PCDHGB4: variants seen among roughly 807,000 people sequenced by gnomAD.
PCDHGB4 encodes protocadherin gamma subfamily B, 4, also known as protocadherin gamma-B4.
A neutral mutation model predicts 60.5 loss-of-function variants in PCDHGB4; 38 were observed. The observed-to-expected ratio is 0.63, with a 90% CI of 0.48 to 0.82. The LOEUF (loss-of-function observed/expected upper bound fraction) is 0.82, where lower values mean the gene tolerates loss of function less well. Among genes scored for constraint, PCDHGB4 ranks in the 40% least tolerant of loss-of-function variants. The pLI, the probability that PCDHGB4 is intolerant of heterozygous loss-of-function variation, is 0.00. For synonymous variants in PCDHGB4, 456 were observed against 509.7 expected, an observed-to-expected ratio of 0.89 and a Z score of 1.42; for missense variants, 1,109 against 1,209.6, an observed-to-expected ratio of 0.92 and a Z score of 1.23.
rs1561964279 is a variant in PCDHGB4 at position 141,456,201 on chromosome 5, A to G, written c.2398-38606A>G. 2.0e-5 allele frequency among the ~76,000 whole-genome samples: 3 copies of G among 152,228 alleles called. No homozygotes were observed. The South Asian group carries it at 6.2e-4, about 32-fold the overall frequency. On this transcript the variant is annotated intron_variant, in intron 1 of 3. Coordinates refer to ENST00000519479, the MANE Select transcript of PCDHGB4 (RefSeq NM_003736.4). ...ATAATTTCTTAATAACTCCTACCAC[A>G]TTCCTCCCTGTGGCGATATCAAACT...
In PCDHGB4 at chr5:141,431,457, T is replaced by C; in HGVS notation, c.2397+41176T>C. ...ACCGCGCGCATCCGCGTGATGGTTC[T>C]GGATGCGAACGACAACGCACCAGCG... On this transcript the variant is annotated intron_variant, in intron 1 of 3. Transcript: ENST00000519479. This position sits in a 1 kb window ranked among gnomAD's most constrained non-coding sequence, Gnocchi z 4.8. 6.2e-7 allele frequency: 1 copy of C among 1,613,818 alleles called. No homozygotes were observed. Among genetic ancestry groups the C allele is most frequent in the South Asian group, 1.1e-5 (1 of 91,088 alleles).
chr5:141,441,750 A>C, intron 1 of PCDHGB4: 1 of 374,962 alleles, frequency 2.7e-6, no homozygotes, highest in South Asian at 2.1e-5. Context: ...GCTCGGCGTC[A>C]ACGTGAGCCT....
chr5:141,474,721 A>T (rs942537231), intron 1 of PCDHGB4, among the ~76,000 whole-genome samples: 10 of 152,214 alleles, frequency 6.6e-5, no homozygotes, highest in African/African-American at 1.7e-4. Flanking sequence ...CTTCAAAAGG[A>T]CTCTATGCAA....
rs1264017483 is a variant in PCDHGB4 at position 141,477,989 on chromosome 5, A to G, written c.2398-16818A>G. The G allele has an allele frequency of 5.6e-6, 9 of 1,614,086 alleles. No individual in the cohort carries two copies. The highest frequency in any genetic ancestry group is 1.6e-4 in the Middle Eastern group (1 of 6,062). On this transcript the variant is annotated intron_variant, in intron 1 of 3. Coordinates refer to ENST00000519479, the MANE Select transcript of PCDHGB4 (RefSeq NM_003736.4). The surrounding 1 kb of genome is among the most constrained non-coding windows in gnomAD (Gnocchi z 4.9). ...GAGCCTTTTTGCCATAGGGCTGCACACTGGTCAAATCAGTACTGCCCGTCC... is the reference window on the plus strand; with the variant it reads ...GAGCCTTTTTGCCATAGGGCTGCACGCTGGTCAAATCAGTACTGCCCGTCC...
At chr5:141,392,693 C>T (rs1315405629) in intron 1 of PCDHGB4, 5 of 1,161,626 alleles carry the variant, frequency 4.3e-6, no homozygotes, top group Non-Finnish European at 5.8e-6. Context: ...GAAACCCGAC[C>T]CCTGTTTGGA....
chr5:141,441,852 G>T (rs1169073404), intron 1 of PCDHGB4: 2 of 352,708 alleles, frequency 5.7e-6, no homozygotes, highest in African/African-American at 2.2e-5. Flanking sequence ...TGGATATGGT[G>T]CTGCACGCCG....
In PCDHGB4 at chr5:141,389,561, G is replaced by A. The variant is rs115696241; in HGVS notation, c.1677G>A (p.Arg559=). Residue 559 remains arginine (R), a synonymous_variant, in exon 1 of 4, where the codon CGG becomes CGA. Transcript: ENST00000519479. Reference sequence around the variant, plus strand: ...ACGACCGCAACGACAATGCGCCACGGGTGCTGTACCCCGCGCTGGGTCCCG... The same window carrying A: ...ACGACCGCAACGACAATGCGCCACGAGTGCTGTACCCCGCGCTGGGTCCCG... ...LVDDRNDNAP[R]VLYPALGPDG... is the part of the protein sequence containing the mutation. 3,114 of 1,613,258 alleles carry A rather than the reference G, an allele frequency of 1.9e-3. 62 individuals carry two copies. The African/African-American group carries it at 0.034, about 18-fold the overall frequency.
At chr5:141,501,334 C>CA (rs2099808390) in intron 2 of PCDHGB4, among the ~76,000 whole-genome samples, 1 of 145,376 alleles carries the variant, frequency 6.9e-6, no homozygotes, top group Non-Finnish European at 1.5e-5. Flanking sequence ...CACACACACA[C>CA]CCCAAACTCA....
At chr5:141,405,473 G>A in intron 1 of PCDHGB4, 3 of 1,066,958 alleles carry the variant, frequency 2.8e-6, no homozygotes, top group Non-Finnish European at 4.0e-6. Flanking sequence ...AGGCTGGAAT[G>A]CAGTGGTGTG....
rs530404769 is a variant in PCDHGB4, at chr5:141,423,267, G to C, written c.2397+32986G>C. On this transcript the variant is annotated intron_variant, in intron 1 of 3. Coordinates refer to ENST00000519479, the MANE Select transcript of PCDHGB4 (RefSeq NM_003736.4). ...TCCTGGCGGACCTCGGCAGCCTCGA[G>C]TCTCTGGCTAACTCTGAAACCTCAG... The C allele has an allele frequency of 2.5e-6, 4 of 1,613,710 alleles. No individual in the cohort carries two copies. In the South Asian group the frequency reaches 4.4e-5, roughly 18 times the overall value.
At chr5:141,447,263 C>A (rs953578064) in intron 1 of PCDHGB4, among the ~76,000 whole-genome samples, 1 of 152,116 alleles carries the variant, frequency 6.6e-6, no homozygotes, top group Non-Finnish European at 1.5e-5. Context: ...TCTCAGCCTC[C>A]CAAGTAGCTG....
At chr5:141,466,077 A>G (rs1220036084) in intron 1 of PCDHGB4, among the ~76,000 whole-genome samples, 2 of 152,108 alleles carry the variant, frequency 1.3e-5, no homozygotes, top group Non-Finnish European at 2.9e-5. Context: ...AGCTGATATC[A>G]TGCCACTGCA....
chr5:141,494,142 A>G (rs2099752161), intron 1 of PCDHGB4, among the ~76,000 whole-genome samples: 1 of 152,090 alleles, frequency 6.6e-6, no homozygotes, highest in South Asian at 2.1e-4. Context: ...TTAGTCACAG[A>G]CCATTGTCTG....
intron 1 of PCDHGB4, among the ~76,000 whole-genome samples, chr5:141,457,440 A>C (rs188608086): frequency 1.3e-5 from 2 of 152,334 alleles, no homozygotes; most frequent in African/African-American, 4.8e-5. Flanking sequence ...ACCAAGCTGC[A>C]GAAGATCACC....
chr5:141,491,414 G>C lies in PCDHGB4; in HGVS notation c.2398-3393G>C, dbSNP rs137987971. 35 of 1,614,008 alleles carry C rather than the reference G, an allele frequency of 2.2e-5. No homozygotes were observed. Among genetic ancestry groups the C allele is most frequent in the African/African-American group, 1.3e-4 (10 of 74,910 alleles). On this transcript the variant is annotated intron_variant, in intron 1 of 3. Coordinates refer to ENST00000519479, the MANE Select transcript of PCDHGB4 (RefSeq NM_003736.4). The surrounding 1 kb of genome is among the most constrained non-coding windows in gnomAD (Gnocchi z 6.9). ...CTTCAGGGAAACGCAGACGGGGACG[G>C]GGGTGGAGGGCAGTGCTGCAGGCGC...
At chr5:141,413,333 C>T in intron 1 of PCDHGB4, 1 of 1,613,966 alleles carries the variant, frequency 6.2e-7, no homozygotes, top group Non-Finnish European at 8.5e-7. Context: ...GGCAACATCT[C>T]CAAGGACTTG....
intron 1 of PCDHGB4, chr5:141,414,843 G>A: frequency 3.7e-6 from 6 of 1,614,218 alleles, no homozygotes; most frequent in Non-Finnish European, 5.1e-6. Context: ...GCCTGTTTGT[G>A]CTGGACCAGA....
chr5:141,431,405 G>A lies in PCDHGB4; in HGVS notation c.2397+41124G>A, dbSNP rs2097369508. Reference sequence around the variant, plus strand: ...TCACCACCTGGTCCTTACGGCCTCCGACGGGGGCGACCCGGTGCGCACAGG... The same window carrying A: ...TCACCACCTGGTCCTTACGGCCTCCAACGGGGGCGACCCGGTGCGCACAGG... On this transcript the variant is annotated intron_variant, in intron 1 of 3. Transcript: ENST00000519479. The surrounding 1 kb of genome is among the most constrained non-coding windows in gnomAD (Gnocchi z 4.8). 1 of 1,613,614 alleles carries A rather than the reference G, an allele frequency of 6.2e-7. No individual in the cohort carries two copies.
chr5:141,475,768 G>A (rs756539564), intron 1 of PCDHGB4, among the ~76,000 whole-genome samples: 5 of 152,280 alleles, frequency 3.3e-5, no homozygotes, highest in South Asian at 2.1e-4. Flanking sequence ...TACTGGCAAG[G>A]CGCTTTGGCT....
Sources: allele counts gnomAD v4.1 joint callset (sites outside exome capture counted in the v4.1 genomes callset), GRCh38; gene constraint gnomAD v4.1.1; non-coding constraint Gnocchi (gnomAD v3.1); transcripts MANE v1.5; gene names NCBI Gene and HGNC (gene_info 2026-07-23, HGNC 2026-07-21).